Variants in PRKN observed in about 807,000 individuals in gnomAD.
The protein encoded by PRKN is E3 ubiquitin-protein ligase parkin.
In PRKN, 56 loss-of-function variants were observed where a neutral mutation model predicts 59.5. The observed-to-expected ratio is 0.94, with a 90% CI of 0.76 to 1.18. The LOEUF is 1.18. Ranked by LOEUF, PRKN falls within the 50% of genes most tolerant of loss-of-function variation. The pLI, the probability that PRKN is intolerant of heterozygous loss-of-function variation, is 0.00. For synonymous variants in PRKN, 250 were observed against 222.1 expected, an observed-to-expected ratio of 1.13 and a Z score of -1.12; for missense variants, 657 against 596.4, an observed-to-expected ratio of 1.10 and a Z score of -1.06.
intron 1 of PRKN, among the ~76,000 whole-genome samples, chr6:162,636,894 A>G (rs371131301): frequency 1.3e-5 from 2 of 152,168 alleles, no homozygotes; most frequent in African/African-American, 2.4e-5. Context: ...CAGGAGCTCA[A>G]GGCTGCAGTG....
intron 7 of PRKN, among the ~76,000 whole-genome samples, chr6:161,632,993 A>G (rs1197613596): frequency 6.6e-6 from 1 of 152,224 alleles, no homozygotes; most frequent in Non-Finnish European, 1.5e-5. Flanking sequence ...GAAGCTTTGC[A>G]GATCATTGTC....
intron 1 of PRKN, among the ~76,000 whole-genome samples, chr6:162,513,899 C>CA (rs1261799813): frequency 1.3e-5 from 2 of 151,652 alleles, no homozygotes; most frequent in African/African-American, 4.8e-5. Flanking sequence ...ACTAAAAATA[C>CA]AAAAAATATG....
intron 5 of PRKN, among the ~76,000 whole-genome samples, chr6:162,050,109 T>C (rs993509926): frequency 5.9e-5 from 9 of 152,200 alleles, no homozygotes; most frequent in East Asian, 5.8e-4. Context: ...CCTGGGATGC[T>C]GAACATATTT....
intron 4 of PRKN, among the ~76,000 whole-genome samples, chr6:162,118,057 T>C (rs1017154326): frequency 6.6e-6 from 1 of 151,600 alleles, no homozygotes; most frequent in Non-Finnish European, 1.5e-5. Context: ...GATCACGCTG[T>C]TGCACTCCAG....
chr6:162,221,660 C>T (rs1012864467), intron 3 of PRKN, among the ~76,000 whole-genome samples: 2 of 152,100 alleles, frequency 1.3e-5, no homozygotes, highest in Non-Finnish European at 2.9e-5. Flanking sequence ...GGCCTTATTT[C>T]ATTACTCAAA....
At chr6:162,214,256 A>G (rs574313627) in intron 3 of PRKN, among the ~76,000 whole-genome samples, 3 of 152,282 alleles carry the variant, frequency 2.0e-5, no homozygotes, top group East Asian at 3.9e-4. Context: ...AATTGCACGC[A>G]CTTTGTTTCA....
intron 2 of PRKN, among the ~76,000 whole-genome samples, chr6:162,390,064 A>G (rs1183888326): frequency 6.6e-6 from 1 of 152,016 alleles, no homozygotes; most frequent in Non-Finnish European, 1.5e-5. Flanking sequence ...TTAACCTAAT[A>G]ATGTTGGATT....
chr6:162,306,330 C>T (rs186515016), intron 2 of PRKN, among the ~76,000 whole-genome samples: 2 of 152,310 alleles, frequency 1.3e-5, no homozygotes, highest in African/African-American at 2.4e-5. Flanking sequence ...AGACACCCCT[C>T]TCTGTGGAGG....
intron 3 of PRKN, among the ~76,000 whole-genome samples, chr6:162,245,508 T>C (rs535129198): frequency 6.6e-6 from 1 of 151,682 alleles, no homozygotes; most frequent in East Asian, 1.9e-4. Flanking sequence ...TAATATCTAA[T>C]ATAATATAAT....
At chr6:161,782,715 G>A (rs1263427453) in intron 7 of PRKN, among the ~76,000 whole-genome samples, 3 of 151,820 alleles carry the variant, frequency 2.0e-5, no homozygotes, top group African/African-American at 4.8e-5. Flanking sequence ...TTAACATGGC[G>A]AAACCCCATC....
Position 161,671,161 on chromosome 6 carries a change from G to A in PRKN, c.872-101745C>T, listed in dbSNP as rs569564277. ...GGCGCAGATGGGATACCTGCATGGG[G>A]AGGGGCTTGTGTCTTGCTCTCAGAA... On this transcript the variant is annotated intron_variant, in intron 7 of 11. Transcript: ENST00000366898. Among the ~76,000 whole-genome samples the A allele has an allele frequency of 1.7e-3, 253 of 152,248 alleles. 1 individual carries two copies. Among genetic ancestry groups the A allele is most frequent in the Non-Finnish European group, 2.2e-3 (147 of 68,026 alleles).
chr6:162,115,261 C>T (rs1057273895), intron 4 of PRKN, among the ~76,000 whole-genome samples: 5 of 151,292 alleles, frequency 3.3e-5, no homozygotes, highest in South Asian at 2.1e-4. Flanking sequence ...AACCAAACAC[C>T]GCATATTCTT....
At chr6:161,867,885 C>T (rs946193907) in intron 6 of PRKN, among the ~76,000 whole-genome samples, 4 of 151,668 alleles carry the variant, frequency 2.6e-5, no homozygotes, top group Admixed American at 2.0e-4. Flanking sequence ...CTCAGCCTCC[C>T]GAGTAGCTGG....
chr6:161,682,009 G>A (rs985282542), intron 7 of PRKN, among the ~76,000 whole-genome samples: 36 of 152,350 alleles, frequency 2.4e-4, no homozygotes, highest in African/African-American at 8.2e-4. Flanking sequence ...GAAAGAGAGA[G>A]TCAGGGACGA....
At chr6:162,116,391 G>T (rs1283923458) in intron 4 of PRKN, among the ~76,000 whole-genome samples, 1 of 152,104 alleles carries the variant, frequency 6.6e-6, no homozygotes, top group Non-Finnish European at 1.5e-5. Context: ...ATCAATTTCT[G>T]CATTATGATT....
At chr6:162,207,439 G>T (rs371564456) in intron 3 of PRKN, among the ~76,000 whole-genome samples, 1 of 152,150 alleles carries the variant, frequency 6.6e-6, no homozygotes, top group African/African-American at 2.4e-5. Context: ...TGGGGGAAAA[G>T]TTGCTAAACT....
intron 1 of PRKN, among the ~76,000 whole-genome samples, chr6:162,718,707 C>T (rs190269505): frequency 9.9e-5 from 15 of 151,094 alleles, no homozygotes; most frequent in Admixed American, 5.9e-4. Context: ...AGCAAGACTC[C>T]GTCTCAAAAA....
rs540492870 is a variant in PRKN at position 162,549,602 on chromosome 6, T to C, written c.8-106129A>G. On this transcript the variant is annotated intron_variant, in intron 1 of 11. Transcript: ENST00000366898. ...GTAGATAACAGCCTAGCAGGGGAGGTAGAAAGACAAAACTAATAGTAATAG... is the reference window on the plus strand; with the variant it reads ...GTAGATAACAGCCTAGCAGGGGAGGCAGAAAGACAAAACTAATAGTAATAG... Among the ~76,000 whole-genome samples, 4 of 151,390 alleles carry C rather than the reference T, an allele frequency of 2.6e-5. No individual in the cohort carries two copies. In the East Asian group the frequency reaches 5.8e-4, roughly 22 times the overall value.
chr6:162,088,425 T>C (rs1185106282), intron 4 of PRKN, among the ~76,000 whole-genome samples: 10 of 152,336 alleles, frequency 6.6e-5, no homozygotes, highest in African/African-American at 2.4e-4. Flanking sequence ...GGATATTTTG[T>C]CAATTTTCTA....
Sources: allele counts gnomAD v4.1 joint callset (sites outside exome capture counted in the v4.1 genomes callset), GRCh38; gene constraint gnomAD v4.1.1; transcripts MANE v1.5; gene names NCBI Gene and HGNC (gene_info 2026-07-23, HGNC 2026-07-21).